HEMK2: variants seen among roughly 807,000 people sequenced by gnomAD.
The protein encoded by HEMK2 is HemK methyltransferase 2, ETF1 glutamine and histone H4 lysine.
At chr21:28,774,902 A>G in the HEMK2 span, among the ~76,000 whole-genome samples, 1 of 152,318 alleles carries the variant, frequency 6.6e-6, no homozygotes, top group East Asian at 1.9e-4. Flanking sequence ...TTCAAGATGC[A>G]TCTAAATTTA....
the HEMK2 span, among the ~76,000 whole-genome samples, chr21:28,775,872 C>A: frequency 6.6e-6 from 1 of 151,392 alleles, no homozygotes; most frequent in African/African-American, 2.4e-5. Flanking sequence ...AATTAGAGAG[C>A]AAAGTGAAGT....
At chr21:28,640,417 T>G in the HEMK2 span, among the ~76,000 whole-genome samples, 3 of 152,174 alleles carry the variant, frequency 2.0e-5, no homozygotes. Context: ...ATTTCTAAAT[T>G]TTCTCGTATC....
the HEMK2 span, among the ~76,000 whole-genome samples, chr21:28,762,728 T>C: frequency 6.6e-5 from 10 of 152,284 alleles, no homozygotes; most frequent in Admixed American, 6.5e-4. Context: ...GCTCTGTTTT[T>C]CTTCATCTTT....
the HEMK2 span, among the ~76,000 whole-genome samples, chr21:28,707,142 AT>A: frequency 6.6e-6 from 1 of 152,226 alleles, no homozygotes; most frequent in Non-Finnish European, 1.5e-5. Flanking sequence ...ATGTTTAAAT[AT>A]TTATTAGTTT....
the HEMK2 span, among the ~76,000 whole-genome samples, chr21:28,604,025 C>T: frequency 6.6e-6 from 1 of 152,164 alleles, no homozygotes; most frequent in Non-Finnish European, 1.5e-5. Context: ...GAACACAGTC[C>T]TTAGAATTAA....
At chr21:28,738,311 T>G in the HEMK2 span, among the ~76,000 whole-genome samples, 4 of 152,196 alleles carry the variant, frequency 2.6e-5, no homozygotes, top group Non-Finnish European at 4.4e-5. Flanking sequence ...TTGCCAGATC[T>G]CCCAAAAAGA....
At chr21:28,821,677 G>A in the HEMK2 span, among the ~76,000 whole-genome samples, 2 of 152,022 alleles carry the variant, frequency 1.3e-5, no homozygotes, top group African/African-American at 4.8e-5. Context: ...CAAAACCCAA[G>A]AATACTCTTC....
At chr21:28,730,418 A>ACACACACACACACACATAATTTAT in the HEMK2 span, among the ~76,000 whole-genome samples, 29 of 142,296 alleles carry the variant, frequency 2.0e-4, no homozygotes, top group African/African-American at 6.7e-4. Context: ...ACACACACAC[A>ACACACACACACACACATAATTTAT]TTTCTCACAA....
At chr21:28,591,518 T>C in the HEMK2 span, among the ~76,000 whole-genome samples, 1 of 152,180 alleles carries the variant, frequency 6.6e-6, no homozygotes, top group South Asian at 2.1e-4. Context: ...AGTCCATCAG[T>C]AAGTTGAACA....
chr21:28,862,327 G>T, the HEMK2 span, among the ~76,000 whole-genome samples: 1 of 152,172 alleles, frequency 6.6e-6, no homozygotes, highest in African/African-American at 2.4e-5. Context: ...AAGGCAAAAG[G>T]AATACAGAAT....
the HEMK2 span, among the ~76,000 whole-genome samples, chr21:28,790,204 T>C: frequency 6.6e-6 from 1 of 152,172 alleles, no homozygotes; most frequent in Non-Finnish European, 1.5e-5. Context: ...TTGTCAGTTT[T>C]CAAAACAAAA....
the HEMK2 span, among the ~76,000 whole-genome samples, chr21:28,676,608 T>G: frequency 6.6e-6 from 1 of 152,172 alleles, no homozygotes; most frequent in South Asian, 2.1e-4. Context: ...GAGCATGCAC[T>G]GGGGTGTAGC....
At chr21:28,670,445 G>A in the HEMK2 span, among the ~76,000 whole-genome samples, 1 of 152,094 alleles carries the variant, frequency 6.6e-6, no homozygotes, top group African/African-American at 2.4e-5. Context: ...TCTCATTGCT[G>A]TGTACTGTCT....
the HEMK2 span, among the ~76,000 whole-genome samples, chr21:28,617,269 A>T: frequency 1.3e-5 from 2 of 152,204 alleles, no homozygotes; most frequent in African/African-American, 2.4e-5. Flanking sequence ...TGAGAAACTG[A>T]AGCACATCTG....
the HEMK2 span, among the ~76,000 whole-genome samples, chr21:28,813,483 G>A: frequency 1.4e-3 from 210 of 152,262 alleles, 3 homozygotes; most frequent in African/African-American, 3.5e-3. Flanking sequence ...AATCAATATC[G>A]TGAAAATGGC....
the HEMK2 span, among the ~76,000 whole-genome samples, chr21:28,695,479 G>A: frequency 6.6e-6 from 1 of 152,144 alleles, no homozygotes; most frequent in Admixed American, 6.5e-5. Context: ...CACAATCATG[G>A]TGGAAGGTGA....
At chr21:28,624,679 G>A in the HEMK2 span, among the ~76,000 whole-genome samples, 1 of 152,164 alleles carries the variant, frequency 6.6e-6, no homozygotes, top group Non-Finnish European at 1.5e-5. Context: ...AAAGATCTGA[G>A]AAGAATATCA....
chr21:28,771,521 C>CCCCG, the HEMK2 span, among the ~76,000 whole-genome samples: 1 of 131,474 alleles, frequency 7.6e-6, no homozygotes, highest in African/African-American at 2.9e-5. Context: ...ATGCACCACC[C>CCCCG]CCCCCCGCCA....
the HEMK2 span, among the ~76,000 whole-genome samples, chr21:28,877,494 AAG>A: frequency 1.3e-5 from 2 of 151,318 alleles, no homozygotes. Flanking sequence ...GAGAAAGAAA[AAG>A]AGACAAAGAT....
Sources: allele counts gnomAD v4.1 joint callset (sites outside exome capture counted in the v4.1 genomes callset), GRCh38; gene constraint gnomAD v4.1.1; transcripts MANE v1.5; gene names NCBI Gene and HGNC (gene_info 2026-07-23, HGNC 2026-07-21).